The following SPECC1 variants were observed in gnomAD, a reference collection of about 807,000 sequenced individuals.
The protein encoded by SPECC1 is sperm antigen with calponin homology and coiled-coil domains 1.
In SPECC1, 62 loss-of-function variants were observed where a neutral mutation model predicts 104.1. The ratio of observed to expected loss-of-function variants is 0.60; its 90% CI spans 0.49 to 0.74. SPECC1 has a LOEUF of 0.74. SPECC1 is among the 30% of genes least tolerant of loss of function. The pLI is 0.00. For missense variants in SPECC1, 1,306 were observed against 1,310.5 expected (o/e 1.00, Z 0.05); for synonymous variants, 513 against 501.6 (o/e 1.02, Z -0.30).
chr17:20,071,172 C>T (rs1258360975), intron 1 of SPECC1, among the ~76,000 whole-genome samples: 1 of 152,178 alleles, frequency 6.6e-6, no homozygotes, highest in Non-Finnish European at 1.5e-5. Flanking sequence ...GCTGAGACTA[C>T]AAGCTCACAC....
intron 14 of SPECC1, among the ~76,000 whole-genome samples, chr17:20,311,828 C>T (rs1363778368): frequency 1.3e-5 from 2 of 152,130 alleles, no homozygotes; most frequent in African/African-American, 2.4e-5. Context: ...CCCTTCTCTT[C>T]CTAGTTTGTT....
At chr17:20,263,972 A>G (rs1209099534) in intron 12 of SPECC1, among the ~76,000 whole-genome samples, 2 of 152,206 alleles carry the variant, frequency 1.3e-5, no homozygotes, top group East Asian at 3.8e-4. Context: ...TTTTGCCTGT[A>G]GTACTTTTCA....
intron 4 of SPECC1, among the ~76,000 whole-genome samples, chr17:20,207,746 A>G (rs1218499981): frequency 1.3e-5 from 2 of 152,198 alleles, no homozygotes; most frequent in East Asian, 3.8e-4. Context: ...CAGTTTATAC[A>G]TGTTTGAGCA....
intron 3 of SPECC1, among the ~76,000 whole-genome samples, chr17:20,121,374 G>A (rs1449658576): frequency 6.7e-6 from 1 of 148,742 alleles, no homozygotes; most frequent in Non-Finnish European, 1.5e-5. Context: ...TTTTTTTGTT[G>A]TTGTTGTTTT....
At chr17:20,258,874 G>A (rs998445756) in intron 11 of SPECC1, among the ~76,000 whole-genome samples, 1 of 152,168 alleles carries the variant, frequency 6.6e-6, no homozygotes, top group African/African-American at 2.4e-5. Context: ...CTGCTTTGTA[G>A]TGTGGAACAC....
chr17:20,112,319 G>A lies in SPECC1; in HGVS notation c.283+1757G>A, dbSNP rs2048533060. 4.0e-6 allele frequency: 3 copies of A among 757,178 alleles called. No individual in the cohort carries two copies. In the African/African-American group the frequency reaches 5.1e-5, roughly 13 times the overall value. 46.9% of individuals were successfully genotyped at this position (757,178 alleles called of 1,614,324 possible). A position where few individuals can be genotyped will look rare whatever the true frequency, so the allele number is the denominator to read the frequency against. ...TTGTACATGATGGCATTAATTTATT[G>A]GATATGTTAGAAGAAGCAAGATTTT... On this transcript the variant is annotated intron_variant, in intron 3 of 14. Transcript: ENST00000395527.
intron 3 of SPECC1, 122 bp from the exon 4 acceptor site, chr17:20,204,211 G>C: frequency 8.2e-7 from 1 of 1,212,268 alleles, no homozygotes; most frequent in Non-Finnish European, 1.1e-6. Flanking sequence ...AGCTAGAGGA[G>C]GAGGAAATGG....
At chr17:20,306,875 A>G (rs1212229684) in intron 14 of SPECC1, among the ~76,000 whole-genome samples, 2 of 152,246 alleles carry the variant, frequency 1.3e-5, no homozygotes, top group Non-Finnish European at 2.9e-5. Context: ...GCTAGTCAGC[A>G]GATATAGCAA....
intron 3 of SPECC1, among the ~76,000 whole-genome samples, chr17:20,168,627 A>C (rs1375649954): frequency 6.6e-6 from 1 of 152,236 alleles, no homozygotes; most frequent in Non-Finnish European, 1.5e-5. Context: ...TTAAAAAATG[A>C]GAAAAAATTA....
At chr17:20,121,758 G>T (rs193007863) in intron 3 of SPECC1, among the ~76,000 whole-genome samples, 63 of 152,306 alleles carry the variant, frequency 4.1e-4, no homozygotes, top group African/African-American at 1.5e-3. Context: ...CCTGCCCCAG[G>T]GTCAAGTGAA....
intron 12 of SPECC1, 83 bp downstream of exon 12, chr17:20,260,377 C>A: frequency 1.8e-6 from 2 of 1,129,982 alleles, no homozygotes; most frequent in African/African-American, 1.5e-5. Flanking sequence ...TGTGCCTGTG[C>A]TTGATGGGCC....
chr17:20,028,268 ATT>A (rs34323625), intron 1 of SPECC1, among the ~76,000 whole-genome samples: 71,436 of 145,522 alleles, frequency 0.49, 17,595 homozygotes, highest in Middle Eastern at 0.55. Context: ...GTCCAACTTC[ATT>A]TTTTTTTTCA....
intron 7 of SPECC1, chr17:20,239,308 C>A (rs1225104751): frequency 1.3e-5 from 13 of 1,010,192 alleles, no homozygotes; most frequent in Non-Finnish European, 1.5e-5. Flanking sequence ...AATCTTTCTT[C>A]TCCCTCAGTA....
chr17:20,125,427 A>G (rs1327249777), intron 3 of SPECC1, among the ~76,000 whole-genome samples: 6 of 150,494 alleles, frequency 4.0e-5, no homozygotes, highest in Non-Finnish European at 8.9e-5. Flanking sequence ...ACATTGTGGT[A>G]GGAGATCTAC....
intron 1 of SPECC1, among the ~76,000 whole-genome samples, chr17:20,038,450 C>T (rs1003351343): frequency 7.1e-5 from 10 of 141,080 alleles, no homozygotes; most frequent in South Asian, 4.4e-4. Flanking sequence ...CCCAGGCTGG[C>T]GTGCAGTGGC....
At chr17:20,231,366 A>G (rs2038565946) in intron 5 of SPECC1, among the ~76,000 whole-genome samples, 1 of 152,206 alleles carries the variant, frequency 6.6e-6, no homozygotes, top group African/African-American at 2.4e-5. Context: ...CTGTTATGTG[A>G]AAGCCTCTAT....
intron 5 of SPECC1, among the ~76,000 whole-genome samples, chr17:20,231,262 G>T (rs1282269013): frequency 6.6e-6 from 1 of 152,170 alleles, no homozygotes; most frequent in Admixed American, 6.5e-5. Context: ...CTTTTGAAAA[G>T]CTTCACCAGT....
chr17:20,133,995 T>A (rs902590360), intron 3 of SPECC1, among the ~76,000 whole-genome samples: 1 of 152,038 alleles, frequency 6.6e-6, no homozygotes, highest in Non-Finnish European at 1.5e-5. Flanking sequence ...ATGGTTAGGG[T>A]TACAAGATTA....
chr17:20,095,456 G>A (rs2047600710), intron 1 of SPECC1, among the ~76,000 whole-genome samples: 1 of 152,228 alleles, frequency 6.6e-6, no homozygotes, highest in African/African-American at 2.4e-5. Flanking sequence ...TCAGATGCAT[G>A]CCTGGACACA....
Sources: allele counts gnomAD v4.1 joint callset (sites outside exome capture counted in the v4.1 genomes callset), GRCh38; gene constraint gnomAD v4.1.1; transcripts MANE v1.5; gene names NCBI Gene and HGNC (gene_info 2026-07-23, HGNC 2026-07-21).